Variants in PDE7A observed in about 807,000 individuals in gnomAD.
PDE7A encodes the protein high affinity 3',5'-cyclic-AMP phosphodiesterase 7A.
In PDE7A, 39 loss-of-function variants were observed where a neutral mutation model predicts 64.3. That is an observed-to-expected ratio of 0.61 (90% confidence interval 0.47 to 0.79). PDE7A has a LOEUF of 0.79. PDE7A is among the 30% of genes least tolerant of loss of function. PDE7A has a pLI of 0.00. For synonymous variants in PDE7A, 203 were observed against 206.8 expected (o/e 0.98, Z 0.16); for missense variants, 470 against 582.8 (o/e 0.81, Z 1.99).
At chr8:65,746,692 CATT>C (rs1229053728) in intron 4 of PDE7A, among the ~76,000 whole-genome samples, 1 of 152,082 alleles carries the variant, frequency 6.6e-6, no homozygotes, top group Non-Finnish European at 1.5e-5. Flanking sequence ...TAGTAGAAAT[CATT>C]AATTATAACA....
Position 65,841,541 on chromosome 8 carries a change from CGCCCTGCCGCGGCCGCCG to C in PDE7A, c.-51_-34del. 2 of 1,387,438 alleles carry C rather than the reference CGCCCTGCCGCGGCCGCCG, an allele frequency of 1.4e-6. No individual in the cohort carries two copies. The highest frequency in any genetic ancestry group is 1.9e-6 in the Non-Finnish European group (2 of 1,068,240). 85.9% of individuals were successfully genotyped at this position (1,387,438 alleles called of 1,614,324 possible). On this transcript the variant is annotated 5_prime_UTR_variant, in exon 1 of 13. Coordinates refer to ENST00000401827, the MANE Select transcript of PDE7A (RefSeq NM_001242318.3). ...GCCCGCCCTGCCTCCGCGCGGCGCC[CGCCCTGCCGCGGCCGCCG>C]GCCCCTGCAGTGGGAGGGGGCCGCG...
intron 1 of PDE7A, among the ~76,000 whole-genome samples, chr8:65,826,180 T>C (rs557175870): frequency 2.6e-5 from 4 of 152,294 alleles, no homozygotes; most frequent in African/African-American, 9.6e-5. Context: ...CATGGGGCCA[T>C]ATCATGAAAA....
At chr8:65,727,747 A>C (rs1806671177) in intron 7 of PDE7A, 1 of 154,754 alleles carries the variant, frequency 6.5e-6, no homozygotes, top group Non-Finnish European at 1.4e-5. Flanking sequence ...ATGTAATCTA[A>C]GATGTAAGGT....
chr8:65,820,333 T>C (rs113019341), intron 1 of PDE7A, among the ~76,000 whole-genome samples: 169 of 152,170 alleles, frequency 1.1e-3, no homozygotes, highest in African/African-American at 3.8e-3. Context: ...GATGCGGAGG[T>C]TGCTGTGAGC....
chr8:65,719,538 A>G (rs553377921), intron 12 of PDE7A, 43 bp from the exon 13 acceptor site: 1 of 1,267,568 alleles, frequency 7.9e-7, no homozygotes, highest in Admixed American at 1.7e-5. Flanking sequence ...ATATGCTGAA[A>G]CTCTATCTTT....
Position 65,842,039 on chromosome 8 carries a change from G to T in PDE7A, c.-531C>A, listed in dbSNP as rs1189034513. The T allele has an allele frequency of 5.0e-6, 1 of 200,960 alleles. No homozygotes were observed. The allele number at this position is 200,960 out of a possible 1,614,324, so 12.4% of individuals were successfully genotyped here. A position where few individuals can be genotyped will look rare whatever the true frequency, so the allele number is the denominator to read the frequency against. ...CCCCGGAGCCTGACTTCACTCCGCCGCCGGCGCGAGCCCGGCGTAATTCAC... is the reference window on the plus strand; with the variant it reads ...CCCCGGAGCCTGACTTCACTCCGCCTCCGGCGCGAGCCCGGCGTAATTCAC... On this transcript the variant is annotated 5_prime_UTR_variant, in exon 1 of 13. Transcript: ENST00000401827.
chr8:65,750,411 A>C (rs1442971514), intron 3 of PDE7A, among the ~76,000 whole-genome samples: 1 of 151,608 alleles, frequency 6.6e-6, no homozygotes, highest in Non-Finnish European at 1.5e-5. Context: ...TATTACTGGC[A>C]ATTAGGATTG....
At chr8:65,744,122 C>T (rs1293554125) in intron 5 of PDE7A, among the ~76,000 whole-genome samples, 1 of 152,132 alleles carries the variant, frequency 6.6e-6, no homozygotes, top group African/African-American at 2.4e-5. Context: ...CATGAGCCAC[C>T]ACGCCCAGCC....
intron 1 of PDE7A, among the ~76,000 whole-genome samples, chr8:65,805,124 A>G (rs989949007): frequency 1.3e-5 from 2 of 152,216 alleles, no homozygotes; most frequent in Non-Finnish European, 2.9e-5. Context: ...GATTACAGGT[A>G]TAACACTGTG....
intron 1 of PDE7A, among the ~76,000 whole-genome samples, chr8:65,831,644 T>C (rs1810823529): frequency 6.6e-6 from 1 of 150,752 alleles, no homozygotes; most frequent in African/African-American, 2.4e-5. Context: ...TGCATATATA[T>C]GACTTACCAA....
chr8:65,798,165 T>C (rs955445689), intron 1 of PDE7A, among the ~76,000 whole-genome samples: 1 of 140,962 alleles, frequency 7.1e-6, no homozygotes, highest in Non-Finnish European at 1.5e-5. Context: ...AATATATACA[T>C]GTGTGTGTGT....
At chr8:65,737,825 A>C (rs1050477056) in intron 6 of PDE7A, among the ~76,000 whole-genome samples, 3 of 152,144 alleles carry the variant, frequency 2.0e-5, no homozygotes, top group Non-Finnish European at 4.4e-5. Context: ...AGCATGTATG[A>C]AATATTAAAT....
chr8:65,726,664 CTTTGATA>C (rs977960403), intron 9 of PDE7A, among the ~76,000 whole-genome samples: 2 of 152,112 alleles, frequency 1.3e-5, no homozygotes, highest in Admixed American at 6.6e-5. Context: ...ATGGAATAGT[CTTTGATA>C]AAAATAACTA....
chr8:65,779,121 T>G (rs1216038330), intron 3 of PDE7A, among the ~76,000 whole-genome samples: 7 of 152,196 alleles, frequency 4.6e-5, no homozygotes, highest in Non-Finnish European at 1.5e-5. Flanking sequence ...TTTTGAATAG[T>G]TTTCTCATTT....
intron 6 of PDE7A, 79 bp downstream of exon 6, chr8:65,739,423 G>T: frequency 7.1e-7 from 1 of 1,415,192 alleles, no homozygotes; most frequent in East Asian, 2.8e-5. Context: ...ATAGCTAACC[G>T]ATATAACTGA....
At chr8:65,775,554 GC>G (rs1384983562) in intron 3 of PDE7A, among the ~76,000 whole-genome samples, 5 of 152,156 alleles carry the variant, frequency 3.3e-5, no homozygotes, top group African/African-American at 1.2e-4. Flanking sequence ...AGGTGGCCAG[GC>G]CTTTTTGTTT....
intron 1 of PDE7A, among the ~76,000 whole-genome samples, chr8:65,805,357 G>C (rs376253434): frequency 6.6e-6 from 1 of 152,190 alleles, no homozygotes; most frequent in African/African-American, 2.4e-5. Context: ...AGTTTCTAAA[G>C]TGTTGAGCAG....
chr8:65,840,985 G>C (rs1585963645), intron 1 of PDE7A, among the ~76,000 whole-genome samples: 1 of 152,244 alleles, frequency 6.6e-6, no homozygotes, highest in East Asian at 1.9e-4. Flanking sequence ...TGTATGGGAA[G>C]GGGGACAGGT....
chr8:65,770,293 AAG>A (rs1809021489), intron 3 of PDE7A, among the ~76,000 whole-genome samples: 1 of 152,216 alleles, frequency 6.6e-6, no homozygotes, highest in African/African-American at 2.4e-5. Flanking sequence ...TATAAAGAAA[AAG>A]AGGTTTGATG....
Sources: allele counts gnomAD v4.1 joint callset (sites outside exome capture counted in the v4.1 genomes callset), GRCh38; gene constraint gnomAD v4.1.1; transcripts MANE v1.5; gene names NCBI Gene and HGNC (gene_info 2026-07-23, HGNC 2026-07-21).